The following MYO9B variants were observed in gnomAD, a reference collection of about 807,000 sequenced individuals.
MYO9B encodes the protein unconventional myosin-IXb.
A neutral mutation model predicts 229.5 loss-of-function variants in MYO9B; 71 were observed. The ratio of observed to expected loss-of-function variants is 0.31; its 90% CI spans 0.26 to 0.38. The LOEUF (loss-of-function observed/expected upper bound fraction) is 0.38, where lower values mean the gene tolerates loss of function less well. Ranked by LOEUF, MYO9B falls within the 10% of genes least tolerant of loss-of-function variation. The pLI, the probability that MYO9B is intolerant of heterozygous loss-of-function variation, is 1.00. For missense variants in MYO9B, 2,255 were observed against 2,920.5 expected, an observed-to-expected ratio of 0.77 and a Z score of 5.25; for synonymous variants, 1,185 against 1,235.8, an observed-to-expected ratio of 0.96 and a Z score of 0.86.
At chr19:17,131,958 C>T (rs982972010) in intron 2 of MYO9B, among the ~76,000 whole-genome samples, 7 of 152,050 alleles carry the variant, frequency 4.6e-5, no homozygotes, top group African/African-American at 1.7e-4. Context: ...TGGCTCACTG[C>T]AGCCTCAACC....
intron 2 of MYO9B, among the ~76,000 whole-genome samples, chr19:17,110,146 T>C (rs567826772): frequency 3.3e-5 from 5 of 152,294 alleles, no homozygotes; most frequent in African/African-American, 1.2e-4. Flanking sequence ...TGAGCTGTTT[T>C]GAGGTTTGAG....
intron 23 of MYO9B, 78 bp downstream of exon 23, chr19:17,197,936 C>G: frequency 1.3e-6 from 2 of 1,540,322 alleles, no homozygotes; most frequent in Non-Finnish European, 1.8e-6. Context: ...TGCCTGTAAC[C>G]CCAGCTACTC....
Position 17,206,164 on chromosome 19 carries a change from G to A in MYO9B, c.5257+12G>A. On this transcript the variant is annotated intron_variant, in intron 32 of 39. Transcript: ENST00000682292. ...GGCGCTGCAGACAGGTGGGCGCTGTGGGCAGGTGGGTGCAGTGCCAGGCCC... is the reference window on the plus strand; with the variant it reads ...GGCGCTGCAGACAGGTGGGCGCTGTAGGCAGGTGGGTGCAGTGCCAGGCCC... The A allele has an allele frequency of 6.2e-7, 1 of 1,609,464 alleles. No homozygotes were observed. The highest frequency in any genetic ancestry group is 1.1e-5 in the South Asian group (1 of 90,760).
intron 2 of MYO9B, among the ~76,000 whole-genome samples, chr19:17,122,328 C>G (rs1289581173): frequency 6.6e-6 from 1 of 152,146 alleles, no homozygotes; most frequent in African/African-American, 2.4e-5. Context: ...CACCTGAGGT[C>G]AGGAGTTCGA....
chr19:17,156,451 G>A (rs1599377181), intron 6 of MYO9B, among the ~76,000 whole-genome samples: 1 of 152,294 alleles, frequency 6.6e-6, no homozygotes, highest in Admixed American at 6.5e-5. Context: ...CAGGTGCAGT[G>A]GCTCGTGCCA....
chr19:17,079,349 G>A (rs1186296872), intron 1 of MYO9B, among the ~76,000 whole-genome samples: 8 of 152,262 alleles, frequency 5.3e-5, no homozygotes, highest in South Asian at 2.1e-4. Context: ...CGTTAGGAAC[G>A]GACTGTGGGA....
At chr19:17,159,556 C>T (rs991375937) in intron 8 of MYO9B, 72 bp downstream of exon 8, 46 of 1,322,118 alleles carry the variant, frequency 3.5e-5, no homozygotes, top group East Asian at 5.0e-5. Context: ...TGGAAAGAGC[C>T]GGCATGGGTG....
intron 1 of MYO9B, among the ~76,000 whole-genome samples, chr19:17,091,356 G>C (rs2057636100): frequency 6.6e-6 from 1 of 152,238 alleles, no homozygotes; most frequent in South Asian, 2.1e-4. Flanking sequence ...CTCCCGAGTA[G>C]CTGGGATTAT....
intron 34 of MYO9B, 86 bp from the exon 35 acceptor site, chr19:17,207,027 C>A: frequency 2.0e-6 from 3 of 1,529,728 alleles, no homozygotes; most frequent in South Asian, 2.4e-5. Flanking sequence ...AACAGCCACC[C>A]CAGGGCTCAG....
intron 1 of MYO9B, among the ~76,000 whole-genome samples, chr19:17,083,186 C>A (rs1326474268): frequency 6.6e-6 from 1 of 151,984 alleles, no homozygotes; most frequent in East Asian, 1.9e-4. Flanking sequence ...CAGGCTGTCA[C>A]CACCACGCCA....
chr19:17,207,281 C>T (rs1214961776), intron 35 of MYO9B, 37 bp downstream of exon 35: 16 of 1,576,058 alleles, frequency 1.0e-5, no homozygotes, highest in Non-Finnish European at 1.2e-5. Context: ...ATGCTCAGGG[C>T]AGCCCCACCC....
At chr19:17,181,071 G>C (rs757471089) in intron 15 of MYO9B, 31 bp downstream of exon 15, 1 of 1,502,506 alleles carries the variant, frequency 6.7e-7, no homozygotes, top group Non-Finnish European at 9.2e-7. Context: ...CTGCTTACAA[G>C]TGCGACAACC....
chr19:17,196,137 GAT>G, intron 22 of MYO9B, among the ~76,000 whole-genome samples: 4 of 110,662 alleles, frequency 3.6e-5, no homozygotes, highest in South Asian at 3.6e-4. Flanking sequence ...GAGAGGGAAG[GAT>G]GTGTGGGTGG....
rs141522100 is a variant in MYO9B, at chr19:17,145,476, G to A, written c.920G>A (p.Ser307Asn). ...GKFIQVSYLE[S>N]GIVRGAVVEK... ...TTCATCCAAGTCAGCTACCTAGAGA[G>A]TGGCATCGTGAGAGGGTGAGGTGTC... The change falls in exon 3 of 40, where the codon AGT (serine) becomes AAT (asparagine). Residue 307 changes from serine (S) to asparagine (N), a missense_variant. Ser to Asn is a conservative substitution (Grantham distance 46). Transcript: ENST00000682292. 164 of 1,613,992 alleles carry A rather than the reference G, an allele frequency of 1.0e-4. No individual in the cohort carries two copies. The African/African-American group carries it at 1.9e-3, about 19-fold the overall frequency.
rs545015635 is a variant in MYO9B, at chr19:17,093,909, C to G, written c.-58-7751C>G. Among the ~76,000 whole-genome samples the G allele has an allele frequency of 6.9e-5, 10 of 145,148 alleles. No homozygotes were observed. In the South Asian group the frequency reaches 1.9e-3, roughly 28 times the overall value. On this transcript the variant is annotated intron_variant, in intron 1 of 39. Coordinates refer to ENST00000682292, the MANE Select transcript of MYO9B (RefSeq NM_004145.4). ...TTTATTTATTTACTTTGTAGAGTTACCTAGTTGTGTGGCCCAGGCTGGTGT... is the reference window on the plus strand; with the variant it reads ...TTTATTTATTTACTTTGTAGAGTTAGCTAGTTGTGTGGCCCAGGCTGGTGT...
At chr19:17,131,617 A>G (rs922265853) in intron 2 of MYO9B, among the ~76,000 whole-genome samples, 1 of 151,986 alleles carries the variant, frequency 6.6e-6, no homozygotes, top group Non-Finnish European at 1.5e-5. Flanking sequence ...AACCTTTTTA[A>G]ATTGCCCAGA....
intron 8 of MYO9B, among the ~76,000 whole-genome samples, chr19:17,161,560 AAT>A (rs2072602498): frequency 2.0e-5 from 3 of 152,150 alleles, no homozygotes; most frequent in Non-Finnish European, 4.4e-5. Flanking sequence ...TCACGCCTGT[AAT>A]CCCAGCACTT....
chr19:17,153,269 C>T (rs1205662486), intron 4 of MYO9B, among the ~76,000 whole-genome samples: 4 of 151,634 alleles, frequency 2.6e-5, no homozygotes, highest in African/African-American at 9.7e-5. Context: ...CTGCAACCTC[C>T]GCCTCCTGGA....
At position 17,082,039 on chromosome 19, in the gene MYO9B, A is replaced by G. The variant is rs1051714425; in HGVS notation, c.-59+6165A>G. Among the ~76,000 whole-genome samples, 3 of 152,228 alleles carry G rather than the reference A, an allele frequency of 2.0e-5. No homozygotes were observed. In the South Asian group the frequency reaches 6.2e-4, roughly 32 times the overall value. On this transcript the variant is annotated intron_variant, in intron 1 of 39. Transcript: ENST00000682292. ...AAAAGTAACTACACTCTTGGACCCA[A>G]GTGACCTTAGGACCAACTGCTGTCA...
Sources: allele counts gnomAD v4.1 joint callset (sites outside exome capture counted in the v4.1 genomes callset), GRCh38; gene constraint gnomAD v4.1.1; transcripts MANE v1.5; gene names NCBI Gene and HGNC (gene_info 2026-07-23, HGNC 2026-07-21).